The following PIWIL1 variants were observed in gnomAD, a reference collection of about 807,000 sequenced individuals.
The protein encoded by PIWIL1 is piwi-like protein 1.
PIWIL1 carries 73 observed loss-of-function variants against 114.4 expected under a neutral mutation model. That is an observed-to-expected ratio of 0.64 (90% CI 0.53 to 0.78). The LOEUF is 0.78. Ranked by LOEUF, PIWIL1 falls within the 30% of genes least tolerant of loss-of-function variation. The pLI is 0.00. For missense variants in PIWIL1, 723 were observed against 1,063.1 expected (o/e 0.68, Z 4.45); for synonymous variants, 375 against 369.0 (o/e 1.02, Z -0.19).
chr12:130,338,333 G>C (rs2072775154), intron 1 of PIWIL1, 187 bp downstream of exon 1: 1 of 250,244 alleles, frequency 4.0e-6, no homozygotes. Flanking sequence ...GCAGGAGCCG[G>C]GTGCGGGGGC....
the PIWIL1 span, among the ~76,000 whole-genome samples, chr12:130,400,552 G>T: frequency 6.6e-6 from 1 of 152,230 alleles, no homozygotes; most frequent in Admixed American, 6.5e-5. Context: ...TGCCCATAAA[G>T]TGCCTAAACC....
intron 11 of PIWIL1, 136 bp from the exon 12 acceptor site, chr12:130,355,417 A>C: frequency 2.8e-6 from 2 of 705,340 alleles, no homozygotes; most frequent in Non-Finnish European, 5.1e-6. Flanking sequence ...CTCCTGTGCC[A>C]GCTGGCATTC....
chr12:130,413,502 G>A, the PIWIL1 span, among the ~76,000 whole-genome samples: 261 of 151,954 alleles, frequency 1.7e-3, no homozygotes, highest in Non-Finnish European at 3.2e-3. Context: ...GTGTGATGGC[G>A]CGCATCTGTG....
At chr12:130,374,972 G>A (rs964931220), downstream of PIWIL1, among the ~76,000 whole-genome samples, 3 of 152,040 alleles carry the variant, frequency 2.0e-5, 1 homozygote, top group Admixed American at 2.0e-4. Context: ...CGTCTGCCAA[G>A]GTCTGGAGGG....
chr12:130,397,730 C>T, the PIWIL1 span: 3 of 383,850 alleles, frequency 7.8e-6, no homozygotes, highest in African/African-American at 6.2e-5. Context: ...CAGAGAGAGG[C>T]CCCAGACATA....
chr12:130,403,015 C>A, the PIWIL1 span, among the ~76,000 whole-genome samples: 1 of 152,168 alleles, frequency 6.6e-6, no homozygotes, highest in East Asian at 1.9e-4. Context: ...CAGCAGGAGT[C>A]CCTCGGGGGT....
chr12:130,389,234 C>T, the PIWIL1 span, among the ~76,000 whole-genome samples: 9,548 of 152,022 alleles, frequency 0.063, 334 homozygotes, highest in Middle Eastern at 0.14. Flanking sequence ...CACTTACATT[C>T]ATGATGAAAT....
the PIWIL1 span, chr12:130,414,457 G>A: frequency 2.9e-6 from 2 of 688,272 alleles, no homozygotes; most frequent in African/African-American, 1.8e-5. Flanking sequence ...AAATAGATCG[G>A]GAGGTCTAGG....
the PIWIL1 span, among the ~76,000 whole-genome samples, chr12:130,405,532 A>G: frequency 5.3e-5 from 8 of 152,144 alleles, no homozygotes; most frequent in African/African-American, 1.9e-4. Context: ...ACTTGTAAAG[A>G]TGCCCCAGCT....
At chr12:130,417,546 T>G in the PIWIL1 span, among the ~76,000 whole-genome samples, 1 of 151,958 alleles carries the variant, frequency 6.6e-6, no homozygotes, top group Non-Finnish European at 1.5e-5. Context: ...GACACGAAGA[T>G]GGGAACAACA....
chr12:130,399,760 C>A, the PIWIL1 span: 1 of 1,614,100 alleles, frequency 6.2e-7, no homozygotes, highest in Non-Finnish European at 8.5e-7. Context: ...CGTCATCAGG[C>A]ACTTCTTCCA....
intron 6 of PIWIL1, 51 bp downstream of exon 6, chr12:130,347,113 A>G: frequency 2.3e-6 from 3 of 1,320,460 alleles, no homozygotes; most frequent in South Asian, 1.2e-5. Flanking sequence ...AGTTGAAATA[A>G]TTGTACATTG....
the PIWIL1 span, chr12:130,421,134 C>T: frequency 3.9e-5 from 6 of 152,114 alleles, no homozygotes; most frequent in Non-Finnish European, 7.3e-5. Flanking sequence ...ACATGAAAGC[C>T]AGGAGAACCG....
At chr12:130,399,528 A>T in the PIWIL1 span, 1 of 776,404 alleles carries the variant, frequency 1.3e-6, no homozygotes, top group Non-Finnish European at 2.0e-6. Context: ...ATTTTTAGGT[A>T]CAACTCCCAT....
At chr12:130,386,046 G>T in the PIWIL1 span, among the ~76,000 whole-genome samples, 1 of 152,156 alleles carries the variant, frequency 6.6e-6, no homozygotes, top group Admixed American at 6.5e-5. Flanking sequence ...TCTGTCCAAA[G>T]ACCTAACCCA....
the PIWIL1 span, among the ~76,000 whole-genome samples, chr12:130,400,525 T>C: frequency 6.6e-6 from 1 of 152,176 alleles, no homozygotes; most frequent in Non-Finnish European, 1.5e-5. Context: ...CCACGTCACT[T>C]CTTCCCCAAA....
At chr12:130,348,793 C>T (rs755731297) in intron 7 of PIWIL1, among the ~76,000 whole-genome samples, 22 of 151,940 alleles carry the variant, frequency 1.4e-4, no homozygotes, top group Admixed American at 1.1e-3. Flanking sequence ...CCCAGCTACT[C>T]GGGAGGCTGA....
At position 130,361,274 on chromosome 12, in the gene PIWIL1, T is replaced by C. The variant is rs757427099; in HGVS notation, c.1760T>C (p.Val587Ala). The stretch of plus-strand genomic sequence containing the variant: ...TGCCCTACCCCAAGTCAGTGTGTGG[T>C]GGCCCGAACCTTAGGCAAACAGCAA... ...TDCPTPSQCV[V>A]ARTLGKQQTV... Residue 587 changes from valine to alanine, a missense_variant, in exon 15 of 21, where the codon GTG becomes GCG. Physicochemically the swap from Val to Ala is moderately conservative, Grantham distance 64. This residue lies in a region of PIWIL1 where 298 missense variants were observed against 420.8 expected (regional missense o/e 0.71). Coordinates refer to ENST00000245255, the MANE Select transcript of PIWIL1 (RefSeq NM_004764.5). 1 of 1,614,102 alleles carries C rather than the reference T, an allele frequency of 6.2e-7. No homozygotes were observed. Among genetic ancestry groups the C allele is most frequent in the South Asian group, 1.1e-5 (1 of 91,064 alleles).
rs554382228 is a variant in PIWIL1 at position 130,360,599 on chromosome 12, T to C, written c.1666-581T>C. On this transcript the variant is annotated intron_variant, in intron 14 of 20. Transcript: ENST00000245255. The stretch of plus-strand genomic sequence containing the variant: ...AGTGAGCCGAGATCGCACCACTGCA[T>C]TCCAGCCTGGGCAACAAGAGCAAAA... Among the ~76,000 whole-genome samples the C allele has an allele frequency of 3.9e-5, 6 of 152,202 alleles. No homozygotes were observed. The South Asian group carries it at 6.2e-4, about 16-fold the overall frequency.
Sources: gnomAD v4.1 joint callset for allele counts (sites outside exome capture counted in the v4.1 genomes callset) on GRCh38, gnomAD v4.1.1 for gene constraint, gnomAD v4.1.1 regional missense constraint, MANE v1.5 for transcripts, NCBI Gene and HGNC (gene_info 2026-07-23, HGNC 2026-07-21) for gene names.